Variants in KCTD9 observed in about 807,000 individuals in gnomAD.
KCTD9 encodes the protein BTB/POZ domain-containing protein KCTD9.
In KCTD9, 17 loss-of-function variants were observed where a neutral mutation model predicts 53.3. That is an observed-to-expected ratio of 0.32 (90% CI 0.22 to 0.48). The LOEUF is 0.48. Ranked by LOEUF, KCTD9 falls within the 20% of genes least tolerant of loss-of-function variation. The probability of loss-of-function intolerance (pLI) is 0.99; values close to 1 mark genes in which losing one functional copy is unlikely to be tolerated. For missense variants in KCTD9, 179 were observed against 465.5 expected, an observed-to-expected ratio of 0.38 and a Z score of 5.66; for synonymous variants, 128 against 162.7, an observed-to-expected ratio of 0.79 and a Z score of 1.62.
At chr8:25,441,633 CA>C (rs757427010) in intron 3 of KCTD9, among the ~76,000 whole-genome samples, 2 of 151,886 alleles carry the variant, frequency 1.3e-5, no homozygotes, top group Non-Finnish European at 1.5e-5. Flanking sequence ...AAAAGAAATA[CA>C]AGAGTGATTA....
At chr8:25,452,170 A>G (rs768898266) in intron 1 of KCTD9, among the ~76,000 whole-genome samples, 5 of 152,198 alleles carry the variant, frequency 3.3e-5, no homozygotes, top group Non-Finnish European at 7.3e-5. Flanking sequence ...AGTCAAATAC[A>G]TTTTAAATAT....
intron 11 of KCTD9, among the ~76,000 whole-genome samples, chr8:25,431,465 C>A (rs1801929214): frequency 6.6e-6 from 1 of 151,914 alleles, no homozygotes; most frequent in Non-Finnish European, 1.5e-5. Flanking sequence ...TGATAGGGGA[C>A]AATGGTTAGA....
chr8:25,430,320 C>A (rs915979978), intron 11 of KCTD9, among the ~76,000 whole-genome samples: 1 of 152,198 alleles, frequency 6.6e-6, no homozygotes, highest in African/African-American at 2.4e-5. Context: ...TCAGGCCACA[C>A]AGCAGGAGGT....
At chr8:25,448,211 G>C (rs1434897074) in intron 1 of KCTD9, among the ~76,000 whole-genome samples, 2 of 152,084 alleles carry the variant, frequency 1.3e-5, no homozygotes, top group Non-Finnish European at 2.9e-5. Flanking sequence ...GAAGAGAAGA[G>C]ACATGAATTC....
chr8:25,431,810 T>C (rs1430526469), intron 11 of KCTD9, among the ~76,000 whole-genome samples: 1 of 152,134 alleles, frequency 6.6e-6, no homozygotes, highest in Non-Finnish European at 1.5e-5. Context: ...AATTTTGACA[T>C]ACCGTTCTCT....
intron 1 of KCTD9, among the ~76,000 whole-genome samples, chr8:25,450,819 C>T (rs2117437958): frequency 6.6e-6 from 1 of 152,192 alleles, no homozygotes. Context: ...TGTTTGTTTT[C>T]CAAATTTGTT....
At chr8:25,452,910 T>C (rs932589738) in intron 1 of KCTD9, among the ~76,000 whole-genome samples, 1 of 152,086 alleles carries the variant, frequency 6.6e-6, no homozygotes. Context: ...CTCATGCCTG[T>C]AGTCGCAGCA....
chr8:25,449,533 G>T (rs555454499), intron 1 of KCTD9, among the ~76,000 whole-genome samples: 1 of 151,192 alleles, frequency 6.6e-6, no homozygotes. Context: ...TTGAATTGTC[G>T]TCTACTTCCA....
rs1335636514 is a variant in KCTD9, at chr8:25,429,799, GA to G, written c.*57del. The G allele has an allele frequency of 4.6e-6, 4 of 867,134 alleles. No homozygotes were observed. The highest frequency in any genetic ancestry group is 1.7e-5 in the African/African-American group (1 of 60,240). The allele number at this position is 867,134 out of a possible 1,614,324, so 53.7% of individuals were successfully genotyped here. On this transcript the variant is annotated 3_prime_UTR_variant, in exon 12 of 12. Transcript: ENST00000221200. Reference sequence around the variant, plus strand: ...CTAGACAACTGAGTGGGTGGAGAAAGAAAAGTGATAAGGAAAACATTTTCAT... The same window carrying G: ...CTAGACAACTGAGTGGGTGGAGAAAGAAAGTGATAAGGAAAACATTTTCAT...
chr8:25,450,579 C>A, intron 1 of KCTD9: 1 of 350,158 alleles, frequency 2.9e-6, no homozygotes, highest in Non-Finnish European at 4.0e-6. Context: ...TTTGGGAGGC[C>A]AAGGTGGGTG....
rs777655495 is a variant in KCTD9 at position 25,429,809 on chromosome 8, A to G, written c.*48T>C. The stretch of plus-strand genomic sequence containing the variant: ...GAGTGGGTGGAGAAAGAAAAGTGAT[A>G]AGGAAAACATTTTCATCTTTTACAT... On this transcript the variant is annotated 3_prime_UTR_variant, in exon 12 of 12. Transcript: ENST00000221200. 1.1e-6 allele frequency: 1 copy of G among 923,760 alleles called. No homozygotes were observed. The highest frequency in any genetic ancestry group is 1.3e-5 in the South Asian group (1 of 75,836). The allele number at this position is 923,760 out of a possible 1,614,324, so 57.2% of individuals were successfully genotyped here.
intron 11 of KCTD9, among the ~76,000 whole-genome samples, chr8:25,432,089 A>C (rs1335802415): frequency 4.6e-5 from 7 of 152,208 alleles, no homozygotes; most frequent in African/African-American, 1.4e-4. Context: ...CAAATTAAGA[A>C]GACATACAAA....
intron 6 of KCTD9, among the ~76,000 whole-genome samples, chr8:25,436,938 A>G (rs1434478684): frequency 1.3e-5 from 2 of 152,358 alleles, no homozygotes; most frequent in East Asian, 3.9e-4. Flanking sequence ...CTGTTGACTC[A>G]GTAAAAAACT....
At chr8:25,439,500 T>C in intron 5 of KCTD9, 93 bp from the exon 6 acceptor site, 1 of 1,549,608 alleles carries the variant, frequency 6.5e-7, no homozygotes, top group South Asian at 1.2e-5. Context: ...AAGTTTTTAC[T>C]CTTAAAAACT....
At chr8:25,432,722 G>C in intron 10 of KCTD9, 85 bp from the exon 11 acceptor site, 2 of 1,213,082 alleles carry the variant, frequency 1.6e-6, no homozygotes. Flanking sequence ...CTTAATGGAG[G>C]CCTCTTTTAA....
chr8:25,431,949 T>C (rs1181244544), intron 11 of KCTD9, among the ~76,000 whole-genome samples: 1 of 152,030 alleles, frequency 6.6e-6, no homozygotes, highest in African/African-American at 2.4e-5. Flanking sequence ...AAGCGCTCAA[T>C]AGCTATATAT....
intron 1 of KCTD9, 26 bp downstream of exon 1, chr8:25,458,173 G>T: frequency 3.4e-6 from 2 of 581,714 alleles, no homozygotes; most frequent in Non-Finnish European, 5.0e-6. Flanking sequence ...CCCCCGGCCC[G>T]CCGCGCCCCC....
At position 25,439,342 on chromosome 8, in the gene KCTD9, C is replaced by T; in HGVS notation, c.436G>A (p.Glu146Lys). 5 of 1,613,270 alleles carry T rather than the reference C, an allele frequency of 3.1e-6. No individual in the cohort carries two copies. Among genetic ancestry groups the T allele is most frequent in the South Asian group, 1.1e-5 (1 of 90,926 alleles). The change falls in exon 6 of 12, where the codon GAA becomes AAA. Residue 146 changes from glutamate (E) to lysine (K), a missense_variant. This residue lies in a region of KCTD9 where 115 missense variants were observed against 250.9 expected (regional missense o/e 0.46). Transcript: ENST00000221200. ...FLIDRSPEYF[E>K]PILNYLRHGQ... ...TGACGCAAGTAGTTCAAAATGGGTT[C>T]GAAGTACTCAGGACTTCGGTCAATT... is the stretch of plus-strand genomic sequence containing the variant.
chr8:25,428,692 C>T lies in KCTD9; in HGVS notation c.*1165G>A, dbSNP rs1355379825. The stretch of plus-strand genomic sequence containing the variant: ...ACCACAAAAAAATAAGTAAAAGAAT[C>T]ACAGGTGCTGACTGATTGATAATTA... On this transcript the variant is annotated 3_prime_UTR_variant, in exon 12 of 12. Coordinates refer to ENST00000221200, the MANE Select transcript of KCTD9 (RefSeq NM_017634.4). 4 of 151,762 alleles carry T rather than the reference C, an allele frequency of 2.6e-5. No individual in the cohort carries two copies. The highest frequency in any genetic ancestry group is 6.6e-5 in the Admixed American group (1 of 15,238). The allele number at this position is 151,762 out of a possible 1,614,324, so 9.4% of individuals were successfully genotyped here. A position where few individuals can be genotyped will look rare whatever the true frequency, so the allele number is the denominator to read the frequency against.
Sources: allele counts gnomAD v4.1 joint callset (sites outside exome capture counted in the v4.1 genomes callset), GRCh38; gene constraint gnomAD v4.1.1; regional missense constraint gnomAD v4.1.1; transcripts MANE v1.5; gene names NCBI Gene and HGNC (gene_info 2026-07-23, HGNC 2026-07-21).